ADGRL3: variants seen among roughly 807,000 people sequenced by gnomAD.
ADGRL3 encodes adhesion G protein-coupled receptor L3.
Under a neutral mutation model 153.5 loss-of-function variants are expected in ADGRL3, and 62 were observed. The observed-to-expected ratio is 0.40, with a 90% CI of 0.33 to 0.50. ADGRL3 has a LOEUF of 0.50. ADGRL3 is among the 20% of genes least tolerant of loss of function. The pLI is 0.47. For synonymous variants in ADGRL3, 710 were observed against 672.5 expected (o/e 1.06, Z -0.86); for missense variants, 1,641 against 1,859.4 (o/e 0.88, Z 2.16).
intron 9 of ADGRL3, among the ~76,000 whole-genome samples, chr4:61,845,326 C>A (rs1419600578): frequency 2.0e-5 from 3 of 151,284 alleles, no homozygotes; most frequent in Non-Finnish European, 4.4e-5. Context: ...TTATTTTTAT[C>A]TTTTTATTTA....
chr4:61,872,864 T>C (rs2098453914), intron 9 of ADGRL3, among the ~76,000 whole-genome samples: 1 of 152,172 alleles, frequency 6.6e-6, no homozygotes, highest in African/African-American at 2.4e-5. Context: ...CCAAAAATTG[T>C]GAACCTAAAC....
chr4:61,642,600 A>G (rs2093735632), intron 5 of ADGRL3, among the ~76,000 whole-genome samples: 1 of 152,040 alleles, frequency 6.6e-6, no homozygotes, highest in Non-Finnish European at 1.5e-5. Flanking sequence ...ATAGTTGTAG[A>G]TATGCGGCGT....
At chr4:61,492,163 A>G (rs1445060574) in intron 2 of ADGRL3, among the ~76,000 whole-genome samples, 2 of 152,168 alleles carry the variant, frequency 1.3e-5, no homozygotes, top group Non-Finnish European at 2.9e-5. Flanking sequence ...GTATGTGCCA[A>G]ACATGTCAGA....
In ADGRL3 at chr4:61,293,486, G is replaced by C. The variant is rs866140613; in HGVS notation, c.-239-89638G>C. Among the ~76,000 whole-genome samples, 150 of 152,108 alleles carry C rather than the reference G, an allele frequency of 9.9e-4. 1 individual carries two copies. Among genetic ancestry groups the C allele is most frequent in the African/African-American group, 3.5e-3 (146 of 41,516 alleles). On this transcript the variant is annotated intron_variant, in intron 1 of 26. Transcript: ENST00000683033. ...CAAAACTGTACTTTAACTGTAAATG[G>C]AAATATATAAGTAGCTGAAGTACTC...
chr4:61,895,051 T>A (rs77810127), intron 10 of ADGRL3, among the ~76,000 whole-genome samples: 10,046 of 152,278 alleles, frequency 0.066, 419 homozygotes, highest in Non-Finnish European at 0.096. Flanking sequence ...TTTTCCACCT[T>A]GTTTTTTTTC....
intron 21 of ADGRL3, among the ~76,000 whole-genome samples, chr4:62,027,166 G>A (rs1249992731): frequency 1.3e-5 from 2 of 151,926 alleles, no homozygotes; most frequent in African/African-American, 4.8e-5. Context: ...AATTTTTGAT[G>A]GTAATATAAG....
At chr4:61,445,862 G>A (rs183623100) in intron 2 of ADGRL3, among the ~76,000 whole-genome samples, 12 of 152,240 alleles carry the variant, frequency 7.9e-5, no homozygotes, top group East Asian at 5.8e-4. Context: ...TAGTGACATC[G>A]TGATGTCATA....
intron 9 of ADGRL3, among the ~76,000 whole-genome samples, chr4:61,892,283 C>A (rs1284164074): frequency 6.6e-6 from 1 of 151,130 alleles, no homozygotes; most frequent in Non-Finnish European, 1.5e-5. Flanking sequence ...CCCTTCTATA[C>A]AAAGTTTGAT....
chr4:61,421,721 A>C (rs2097209613), intron 2 of ADGRL3, among the ~76,000 whole-genome samples: 1 of 152,140 alleles, frequency 6.6e-6, no homozygotes, highest in Admixed American at 6.5e-5. Flanking sequence ...TGTGATCGGT[A>C]CCATTAAGTA....
chr4:61,876,975 C>T (rs1467600173), intron 9 of ADGRL3, among the ~76,000 whole-genome samples: 1 of 147,552 alleles, frequency 6.8e-6, no homozygotes, highest in African/African-American at 2.5e-5. Context: ...CTTTTAAGTA[C>T]ACAGGAAATA....
At chr4:61,311,613 T>C (rs745443168) in intron 1 of ADGRL3, among the ~76,000 whole-genome samples, 2 of 152,204 alleles carry the variant, frequency 1.3e-5, no homozygotes, top group Non-Finnish European at 2.9e-5. Flanking sequence ...TTATGTGTCT[T>C]AGTGTTCATA....
At chr4:61,466,193 T>C (rs2097882472) in intron 2 of ADGRL3, among the ~76,000 whole-genome samples, 1 of 152,106 alleles carries the variant, frequency 6.6e-6, no homozygotes, top group African/African-American at 2.4e-5. Flanking sequence ...AACTTGAGAG[T>C]ATTTTAAAGT....
intron 25 of ADGRL3, among the ~76,000 whole-genome samples, chr4:62,066,873 C>A (rs769203980): frequency 9.7e-4 from 148 of 152,062 alleles, no homozygotes; most frequent in Non-Finnish European, 1.6e-3. Flanking sequence ...TTTTCTGATC[C>A]CAGTTCTACC....
intron 4 of ADGRL3, among the ~76,000 whole-genome samples, chr4:61,534,002 T>G (rs998713936): frequency 6.6e-6 from 1 of 152,190 alleles, no homozygotes; most frequent in Non-Finnish European, 1.5e-5. Flanking sequence ...TTTTGAGGTC[T>G]TAGTCATAAA....
intron 1 of ADGRL3, among the ~76,000 whole-genome samples, chr4:61,287,302 G>A (rs748739449): frequency 9.9e-5 from 15 of 151,654 alleles, no homozygotes; most frequent in Admixed American, 3.3e-4. Context: ...CTGTGATATC[G>A]CCTGCAAGAG....
chr4:61,775,772 T>G, intron 8 of ADGRL3: 1 of 811,260 alleles, frequency 1.2e-6, no homozygotes. Context: ...CAATCGTGGA[T>G]GAGGGCAGTC....
At chr4:61,311,275 T>C (rs561629558) in intron 1 of ADGRL3, among the ~76,000 whole-genome samples, 6 of 152,186 alleles carry the variant, frequency 3.9e-5, no homozygotes, top group Non-Finnish European at 8.8e-5. Flanking sequence ...TAGACCAAGA[T>C]TGTTTCCATT....
In ADGRL3 at chr4:62,076,908, T is replaced by G. The variant is rs892743133; in HGVS notation, c.*6000T>G. 1.3e-5 allele frequency: 2 copies of G among 151,490 alleles called. No individual in the cohort carries two copies. Among genetic ancestry groups the G allele is most frequent in the Admixed American group, 6.6e-5 (1 of 15,164 alleles). The allele number at this position is 151,490 out of a possible 1,614,324, so 9.4% of individuals were successfully genotyped here. On this transcript the variant is annotated 3_prime_UTR_variant, in exon 27 of 27. Transcript: ENST00000683033. The stretch of plus-strand genomic sequence containing the variant: ...ATATGAAATTAATATTATATTAGAA[T>G]TATGTACATTATACAAAATAATTCA...
At chr4:61,546,612 G>T (rs988970169) in intron 4 of ADGRL3, among the ~76,000 whole-genome samples, 1 of 152,008 alleles carries the variant, frequency 6.6e-6, no homozygotes, top group Admixed American at 6.6e-5. Flanking sequence ...CATGTTCAAT[G>T]AAGTCACGTT....
Sources: allele counts gnomAD v4.1 joint callset (sites outside exome capture counted in the v4.1 genomes callset), GRCh38; gene constraint gnomAD v4.1.1; transcripts MANE v1.5; gene names NCBI Gene and HGNC (gene_info 2026-07-23, HGNC 2026-07-21).